Variants in FAM24B observed in about 807,000 individuals in gnomAD.
The protein encoded by FAM24B is family with sequence similarity 24 member B.
FAM24B carries 3 observed loss-of-function variants against 2.3 expected under a neutral mutation model. That is an observed-to-expected ratio of 1.29 (90% confidence interval 0.59 to 3.32). The LOEUF (loss-of-function observed/expected upper bound fraction) is 3.32, where lower values mean the gene tolerates loss of function less well. FAM24B is among the 30% of genes most tolerant of loss of function. The pLI is 0.03. For synonymous variants in FAM24B, 36 were observed against 46.3 expected (o/e 0.78, Z 0.90); for missense variants, 98 against 117.2 (o/e 0.84, Z 0.76).
chr10:122,870,256 T>G (rs1490575950), intron 1 of FAM24B, among the ~76,000 whole-genome samples: 1 of 152,204 alleles, frequency 6.6e-6, no homozygotes, highest in African/African-American at 2.4e-5. Flanking sequence ...AATCTCTGAA[T>G]AGACCAATAA....
In FAM24B at chr10:122,855,681, A is replaced by G. The variant is rs977371274; in HGVS notation, c.-72T>C. 6 of 152,230 alleles carry G rather than the reference A, an allele frequency of 3.9e-5. No individual in the cohort carries two copies. The highest frequency in any genetic ancestry group is 7.3e-5 in the Non-Finnish European group (5 of 68,054). 9.4% of individuals were successfully genotyped at this position (152,230 alleles called of 1,614,324 possible). Reference sequence around the variant, plus strand: ...ATGGCTCCTCTGCTCCAGGAAGGGCAAGAAACATTTCAAAAAGAGCTCCAA... The same window carrying G: ...ATGGCTCCTCTGCTCCAGGAAGGGCGAGAAACATTTCAAAAAGAGCTCCAA... On this transcript the variant is annotated 5_prime_UTR_variant, in exon 2 of 4. Coordinates refer to ENST00000368898, the MANE Select transcript of FAM24B (RefSeq NM_152644.3).
intron 2 of FAM24B, 123 bp from the exon 3 acceptor site, chr10:122,850,673 A>C: frequency 3.4e-6 from 2 of 596,746 alleles, no homozygotes; most frequent in Non-Finnish European, 3.0e-6. Flanking sequence ...ATGTGTGTAA[A>C]ACACAAATGT....
chr10:122,868,307 T>C (rs977903442), intron 1 of FAM24B, among the ~76,000 whole-genome samples: 11 of 152,320 alleles, frequency 7.2e-5, no homozygotes, highest in African/African-American at 2.6e-4. Context: ...CTACGTCTAA[T>C]TGGTGTACCT....
intron 1 of FAM24B, among the ~76,000 whole-genome samples, chr10:122,875,845 T>G (rs1192078265): frequency 6.6e-6 from 1 of 151,946 alleles, no homozygotes; most frequent in East Asian, 1.9e-4. Context: ...AGAGGCAAAA[T>G]GGCAGAGTTT....
chr10:122,868,326 T>C (rs923652840), intron 1 of FAM24B, among the ~76,000 whole-genome samples: 2 of 152,114 alleles, frequency 1.3e-5, no homozygotes, highest in Non-Finnish European at 2.9e-5. Flanking sequence ...CTGAAAGTGA[T>C]GAGGAGAATG....
At chr10:122,860,669 G>T (rs553455037) in intron 1 of FAM24B, among the ~76,000 whole-genome samples, 1 of 152,120 alleles carries the variant, frequency 6.6e-6, no homozygotes, top group Non-Finnish European at 1.5e-5. Flanking sequence ...ATGTTAATTT[G>T]TCAGCATTTG....
intron 1 of FAM24B, among the ~76,000 whole-genome samples, chr10:122,862,953 A>T (rs1847749844): frequency 6.6e-6 from 1 of 151,874 alleles, no homozygotes; most frequent in Non-Finnish European, 1.5e-5. Context: ...TATCAAGCAA[A>T]TCAAGCAGAA....
At chr10:122,878,163 G>T (rs1182446828) in intron 1 of FAM24B, among the ~76,000 whole-genome samples, 1 of 152,150 alleles carries the variant, frequency 6.6e-6, no homozygotes, top group Non-Finnish European at 1.5e-5. Context: ...CTAGGTAGAG[G>T]GAAAAGCATG....
At chr10:122,873,523 T>A (rs923786773) in intron 1 of FAM24B, among the ~76,000 whole-genome samples, 6 of 152,264 alleles carry the variant, frequency 3.9e-5, no homozygotes, top group African/African-American at 1.4e-4. Context: ...AGGAGATTAA[T>A]GTTTTCATGT....
intron 1 of FAM24B, among the ~76,000 whole-genome samples, chr10:122,876,109 C>A (rs768929327): frequency 3.3e-5 from 5 of 152,236 alleles, no homozygotes; most frequent in Non-Finnish European, 5.9e-5. Flanking sequence ...TTGCTTGGCC[C>A]TCTTCCAAGT....
At chr10:122,875,107 C>T (rs949196189) in intron 1 of FAM24B, among the ~76,000 whole-genome samples, 1 of 152,112 alleles carries the variant, frequency 6.6e-6, no homozygotes, top group Non-Finnish European at 1.5e-5. Flanking sequence ...TATAACTGTC[C>T]AGCAGTTCTT....
intron 1 of FAM24B, among the ~76,000 whole-genome samples, chr10:122,863,131 T>C (rs1241403183): frequency 2.0e-5 from 3 of 152,198 alleles, no homozygotes; most frequent in Non-Finnish European, 4.4e-5. Context: ...GACATGTAGC[T>C]TTTTGGCCAT....
At chr10:122,855,456 G>A (rs904376684) in intron 2 of FAM24B, 189 bp downstream of exon 2, 3 of 152,136 alleles carry the variant, frequency 2.0e-5, no homozygotes, top group Non-Finnish European at 4.4e-5. Context: ...ATCCCCCGGC[G>A]GTGCAGGCAC....
Position 122,850,463 on chromosome 10 carries a change from A to C in FAM24B, c.53T>G (p.Val18Gly). 1 of 1,614,138 alleles carries C rather than the reference A, an allele frequency of 6.2e-7. No homozygotes were observed. The highest frequency in any genetic ancestry group is 8.5e-7 in the Non-Finnish European group (1 of 1,180,012). ...TATTTTGAAGTAAAGACAGAGCACG[A>C]CAACTATCAGCAGGAGCAAGGCCGC... Reference protein sequence around the residue: ...ILAALLLLIVVVLCLYFKIHN... With the variant: ...ILAALLLLIVGVLCLYFKIHN... The change falls in exon 3 of 4, where the codon GTC becomes GGC. Residue 18 changes from valine (V) to glycine (G), a missense_variant. By Grantham distance (109) the Val-to-Gly change is moderately radical. Coordinates refer to ENST00000368898, the MANE Select transcript of FAM24B (RefSeq NM_152644.3).
At chr10:122,864,121 A>T (rs978533064) in intron 1 of FAM24B, among the ~76,000 whole-genome samples, 4 of 152,194 alleles carry the variant, frequency 2.6e-5, no homozygotes, top group Non-Finnish European at 5.9e-5. Flanking sequence ...TGTTCACTGT[A>T]TAAAGCAAGA....
At chr10:122,872,019 A>C (rs1460702322) in intron 1 of FAM24B, among the ~76,000 whole-genome samples, 2 of 152,192 alleles carry the variant, frequency 1.3e-5, no homozygotes, top group Admixed American at 1.3e-4. Context: ...GAATGGGAGA[A>C]AATTTTTGCA....
At chr10:122,869,131 A>G (rs1847850169) in intron 1 of FAM24B, among the ~76,000 whole-genome samples, 1 of 152,122 alleles carries the variant, frequency 6.6e-6, no homozygotes. Flanking sequence ...AGGGGTTGCA[A>G]TCCTAGTCTC....
At chr10:122,851,946 C>T (rs760493128) in intron 2 of FAM24B, among the ~76,000 whole-genome samples, 4 of 151,854 alleles carry the variant, frequency 2.6e-5, no homozygotes, top group Non-Finnish European at 5.9e-5. Flanking sequence ...TTGGAAACTA[C>T]AATAACTGAA....
At chr10:122,858,071 A>G (rs1475646404) in intron 1 of FAM24B, among the ~76,000 whole-genome samples, 2 of 152,250 alleles carry the variant, frequency 1.3e-5, no homozygotes, top group African/African-American at 4.8e-5. Flanking sequence ...CCAAAGGATT[A>G]TAAATCATGC....
Sources: gnomAD v4.1 joint callset for allele counts (sites outside exome capture counted in the v4.1 genomes callset) on GRCh38, gnomAD v4.1.1 for gene constraint, MANE v1.5 for transcripts, NCBI Gene and HGNC (gene_info 2026-07-23, HGNC 2026-07-21) for gene names.